Variants in ST6GALNAC1 observed in about 807,000 individuals in gnomAD.
ST6GALNAC1 encodes the protein alpha-N-acetylgalactosaminide alpha-2,6-sialyltransferase 1.
In ST6GALNAC1, 45 loss-of-function variants were observed where a neutral mutation model predicts 56.8. That is an observed-to-expected ratio of 0.79 (90% CI 0.62 to 1.02). The LOEUF is 1.02. ST6GALNAC1 is among the 50% of genes least tolerant of loss of function. The pLI, the probability that ST6GALNAC1 is intolerant of heterozygous loss-of-function variation, is 0.00. For missense variants in ST6GALNAC1, 743 were observed against 754.8 expected (o/e 0.98, Z 0.18); for synonymous variants, 295 against 297.8 (o/e 0.99, Z 0.10).
At chr17:76,622,468 A>G (rs1395811000), downstream of ST6GALNAC1, among the ~76,000 whole-genome samples, 10 of 151,284 alleles carry the variant, frequency 6.6e-5, no homozygotes, top group East Asian at 2.0e-3. Context: ...GGGTTCAAGT[A>G]ATTCTTCTGC....
At position 76,625,491 on chromosome 17, in the gene ST6GALNAC1, G is replaced by A. The variant is rs148549229; in HGVS notation, c.1642C>T (p.Arg548Cys). Residue 548 changes from arginine to cysteine, a missense_variant, in exon 9 of 9, where the codon CGC (arginine) becomes TGC (cysteine). Transcript: ENST00000156626. ...GTATCATAGTAGTGATCAGAAAAGCGCTCATGGCCCTCAGTGATGAAGCCA... is the reference window on the plus strand; with the variant it reads ...GTATCATAGTAGTGATCAGAAAAGCACTCATGGCCCTCAGTGATGAAGCCA... ...AYGFITEGHE[R>C]FSDHYYDTSW... The A allele has an allele frequency of 5.6e-5, 90 of 1,614,090 alleles. No homozygotes were observed. In the East Asian group the frequency reaches 1.8e-3, roughly 33 times the overall value.
intron 1 of ST6GALNAC1, among the ~76,000 whole-genome samples, chr17:76,630,664 C>T (rs2075880558): frequency 1.3e-5 from 2 of 150,928 alleles, no homozygotes; most frequent in African/African-American, 4.9e-5. Flanking sequence ...TGGCTCACTG[C>T]ACCCTCCATC....
chr17:76,621,324 A>G (rs1347478228), downstream of ST6GALNAC1, among the ~76,000 whole-genome samples: 1 of 151,044 alleles, frequency 6.6e-6, no homozygotes, highest in Admixed American at 6.6e-5. Flanking sequence ...CTGGGACTAC[A>G]GGTGCACGCC....
chr17:76,619,031 T>C, the ST6GALNAC1 span, among the ~76,000 whole-genome samples: 210 of 152,380 alleles, frequency 1.4e-3, 3 homozygotes, highest in Admixed American at 9.9e-3. Context: ...GTTGAATGTG[T>C]TGAAATTCAT....
chr17:76,624,372 C>T (rs1421332064), downstream of ST6GALNAC1, among the ~76,000 whole-genome samples: 1 of 152,136 alleles, frequency 6.6e-6, no homozygotes, highest in East Asian at 1.9e-4. Flanking sequence ...GTCTCAGCCT[C>T]CCAAGTAGCT....
chr17:76,618,686 C>T, the ST6GALNAC1 span, among the ~76,000 whole-genome samples: 3 of 151,170 alleles, frequency 2.0e-5, no homozygotes, highest in African/African-American at 4.9e-5. Flanking sequence ...GAGGCTGAGG[C>T]AGGAGAATCG....
intron 1 of ST6GALNAC1, among the ~76,000 whole-genome samples, chr17:76,638,695 C>G (rs1395046152): frequency 6.6e-6 from 1 of 152,140 alleles, no homozygotes; most frequent in Non-Finnish European, 1.5e-5. Context: ...ATTCTCCCTG[C>G]CTCAGCCTCC....
chr17:76,627,346 G>A lies in ST6GALNAC1; in HGVS notation c.1000+69C>T. The A allele has an allele frequency of 1.3e-6, 2 of 1,586,486 alleles. No individual in the cohort carries two copies. Among genetic ancestry groups the A allele is most frequent in the Non-Finnish European group, 1.7e-6 (2 of 1,165,640 alleles). On this transcript the variant is annotated intron_variant, in intron 3 of 8. Coordinates refer to ENST00000156626, the MANE Select transcript of ST6GALNAC1 (RefSeq NM_018414.5). This position sits in a 1 kb window ranked among gnomAD's most constrained non-coding sequence, Gnocchi z 4.4. ...CCCCAGGGAAGAGGCAGACCAGAAA[G>A]CCAGCTGCCCTCTGCCCTCTGCCCC...
intron 1 of ST6GALNAC1, chr17:76,642,021 ATATC>A (rs1443999782): frequency 2.0e-5 from 3 of 150,230 alleles, no homozygotes; most frequent in Non-Finnish European, 3.0e-5. Flanking sequence ...ATATGTGTAT[ATATC>A]TATATCTATA....
chr17:76,641,384 A>AT lies in ST6GALNAC1; in HGVS notation c.131+2123dup, dbSNP rs200303664. 2.6e-3 allele frequency among the ~76,000 whole-genome samples: 399 copies of AT among 152,236 alleles called. 5 individuals are homozygous for AT. Among genetic ancestry groups the AT allele is most frequent in the East Asian group, 0.011 (59 of 5,188 alleles). On this transcript the variant is annotated intron_variant, in intron 1 of 8. Coordinates refer to ENST00000156626, the MANE Select transcript of ST6GALNAC1 (RefSeq NM_018414.5). ...ATTTAGAAGTATTGTAACATATATG[A>AT]TAAAAAGGTTAATATCCCTAATATA...
In ST6GALNAC1 at chr17:76,625,930, C is replaced by G; in HGVS notation, c.1506-12G>C. The G allele has an allele frequency of 6.3e-7, 1 of 1,593,200 alleles. No individual in the cohort carries two copies. The highest frequency in any genetic ancestry group is 8.5e-7 in the Non-Finnish European group (1 of 1,170,150). On this transcript the variant is annotated splice_polypyrimidine_tract_variant and intron_variant, in intron 7 of 8. Transcript: ENST00000156626. ...TAGACCTCAGAAACCTGTGAAATGCCCCAAACCCCCAACTGTCAGGAGGCT... is the reference window on the plus strand; with the variant it reads ...TAGACCTCAGAAACCTGTGAAATGCGCCAAACCCCCAACTGTCAGGAGGCT...
Position 76,629,372 on chromosome 17 carries a change from C to G in ST6GALNAC1, c.471G>C (p.Lys157Asn). The change falls in exon 2 of 9, where the codon AAG (lysine) becomes AAC (asparagine). Residue 157 changes from lysine to asparagine, a missense_variant. Transcript: ENST00000156626. ...ASGRTEAQSW[K>N]SQDTKTTQGN... ...CTTGGGTCGTCTTTGTGTCCTGGCT[C>G]TTCCATGATTGTGCCTCTGTCCTGC... 6.2e-7 allele frequency: 1 copy of G among 1,614,194 alleles called. No individual in the cohort carries two copies. The highest frequency in any genetic ancestry group is 8.5e-7 in the Non-Finnish European group (1 of 1,180,018).
At chr17:76,635,468 T>A (rs1168265178) in intron 1 of ST6GALNAC1, among the ~76,000 whole-genome samples, 6 of 152,094 alleles carry the variant, frequency 3.9e-5, no homozygotes, top group Non-Finnish European at 8.8e-5. Context: ...GGCGAAACCC[T>A]GTCTCTACTA....
intron 8 of ST6GALNAC1, 33 bp from the exon 9 acceptor site, chr17:76,625,560 T>C: frequency 6.2e-7 from 1 of 1,607,226 alleles, no homozygotes; most frequent in South Asian, 1.1e-5. Context: ...ACACGGCCTG[T>C]AGTTGCTGTT....
chr17:76,642,226 A>G (rs1311760107), intron 1 of ST6GALNAC1, among the ~76,000 whole-genome samples: 1 of 151,368 alleles, frequency 6.6e-6, no homozygotes, highest in Non-Finnish European at 1.5e-5. Flanking sequence ...CTGCCTATCT[A>G]TCTATCTATC....
At chr17:76,631,063 C>CTGTGTGTGTGTGTG (rs1331837039) in intron 1 of ST6GALNAC1, among the ~76,000 whole-genome samples, 1,596 of 74,332 alleles carry the variant, frequency 0.021, 11 homozygotes, top group Middle Eastern at 0.038. Flanking sequence ...CCCAGCTAAT[C>CTGTGTGTGTGTGTG]TCTGTGTGTG....
Position 76,626,675 on chromosome 17 carries a change from A to G in ST6GALNAC1, c.1287T>C (p.Gly429=), listed in dbSNP as rs746734659. Residue 429 remains glycine (G), a synonymous_variant, in exon 5 of 9, where the codon GGT becomes GGC. Coordinates refer to ENST00000156626, the MANE Select transcript of ST6GALNAC1 (RefSeq NM_018414.5). Reference sequence around the variant, plus strand: ...CCTTCCCAAGAGGCACGTTCTTGAAACCCCGATTGCCCAATATAAGGAGTG... The same window carrying G: ...CCTTCCCAAGAGGCACGTTCTTGAAGCCCCGATTGCCCAATATAAGGAGTG... ...TQSLLILGNR[G]FKNVPLGKDV... The G allele has an allele frequency of 2.3e-5, 37 of 1,613,614 alleles. 1 individual carries two copies. The South Asian group carries it at 3.8e-4, about 17-fold the overall frequency.
chr17:76,636,681 C>T (rs535708390), intron 1 of ST6GALNAC1, among the ~76,000 whole-genome samples: 4 of 152,090 alleles, frequency 2.6e-5, no homozygotes, highest in South Asian at 2.1e-4. Context: ...GCCGCCGCCC[C>T]GTCTGGGAGG....
rs1360793441 is a variant in ST6GALNAC1 at position 76,627,090 on chromosome 17, T to C, written c.1149A>G (p.Ile383Met). The C allele has an allele frequency of 6.4e-7, 1 of 1,566,410 alleles. No homozygotes were observed. Among genetic ancestry groups the C allele is most frequent in the Non-Finnish European group, 8.6e-7 (1 of 1,156,502 alleles). ...ILNNSHMGQE[I>M]DSHDYVFRLS... is the part of the protein sequence containing the mutation. ...ACCGGAACACGTAGTCGTGACTGTC[T>C]ATCTCCTGGCCCATGTGGGAGTTGT... Residue 383 changes from isoleucine (I) to methionine (M), a missense_variant, in exon 4 of 9, where the codon ATA becomes ATG. Transcript: ENST00000156626. This position sits in a 1 kb window ranked among gnomAD's most constrained non-coding sequence, Gnocchi z 4.4.
Sources: gnomAD v4.1 joint callset for allele counts (sites outside exome capture counted in the v4.1 genomes callset) on GRCh38, gnomAD v4.1.1 for gene constraint, Gnocchi (gnomAD v3.1) non-coding constraint, MANE v1.5 for transcripts, NCBI Gene and HGNC (gene_info 2026-07-23, HGNC 2026-07-21) for gene names.